The following CCDC150 variants were observed in gnomAD, a reference collection of about 807,000 sequenced individuals.
CCDC150 encodes the protein coiled-coil domain-containing protein 150.
Under a neutral mutation model 156.5 loss-of-function variants are expected in CCDC150, and 151 were observed. The ratio of observed to expected loss-of-function variants is 0.97; its 90% CI spans 0.85 to 1.10. CCDC150 has a LOEUF of 1.10. Among genes scored for constraint, CCDC150 ranks in the 50% least tolerant of loss-of-function variants. The pLI, the probability that CCDC150 is intolerant of heterozygous loss-of-function variation, is 0.00. For missense variants in CCDC150, 1,312 were observed against 1,268.1 expected (o/e 1.03, Z -0.53); for synonymous variants, 452 against 429.4 (o/e 1.05, Z -0.65).
intron 14 of CCDC150, among the ~76,000 whole-genome samples, chr2:196,696,193 G>C (rs957731232): frequency 2.6e-5 from 4 of 152,044 alleles, no homozygotes; most frequent in African/African-American, 4.8e-5. Flanking sequence ...GGATAATAAT[G>C]CTATAACTGT....
At chr2:196,646,041 C>T (rs1486760509) in intron 1 of CCDC150, among the ~76,000 whole-genome samples, 3 of 152,162 alleles carry the variant, frequency 2.0e-5, no homozygotes, top group African/African-American at 7.2e-5. Context: ...ATGACATCCA[C>T]ACTGTATATC....
chr2:196,658,994 C>A, intron 5 of CCDC150, 134 bp downstream of exon 5: 1 of 629,362 alleles, frequency 1.6e-6, no homozygotes, highest in Non-Finnish European at 2.8e-6. Flanking sequence ...AAAAATATGC[C>A]ACATTGAATT....
chr2:196,666,935 G>A lies in CCDC150; in HGVS notation c.892+87G>A, dbSNP rs772674040. 3.4e-6 allele frequency: 5 copies of A among 1,450,586 alleles called. No homozygotes were observed. The South Asian group carries it at 3.5e-5, about 10-fold the overall frequency. The allele number at this position is 1,450,586 out of a possible 1,614,324, so 89.9% of individuals were successfully genotyped here. A position where few individuals can be genotyped will look rare whatever the true frequency, so the allele number is the denominator to read the frequency against. On this transcript the variant is annotated intron_variant, in intron 7 of 27. Transcript: ENST00000389175. ...TCTTAAGATCCCAAATTCTTAAAGTGGCCAGTGTTATTGGTATTTCCCACA... is the reference window on the plus strand; with the variant it reads ...TCTTAAGATCCCAAATTCTTAAAGTAGCCAGTGTTATTGGTATTTCCCACA...
intron 15 of CCDC150, among the ~76,000 whole-genome samples, chr2:196,701,644 T>G (rs547160553): frequency 6.6e-6 from 1 of 152,278 alleles, no homozygotes; most frequent in South Asian, 2.1e-4. Flanking sequence ...TTAAACTAAC[T>G]CCAATGGAAA....
intron 15 of CCDC150, among the ~76,000 whole-genome samples, chr2:196,705,046 A>G (rs1262045399): frequency 6.6e-6 from 1 of 152,204 alleles, no homozygotes; most frequent in Non-Finnish European, 1.5e-5. Flanking sequence ...AGCATGATTT[A>G]TAATCCTTTG....
At chr2:196,688,051 T>A (rs1250244213) in intron 13 of CCDC150, among the ~76,000 whole-genome samples, 1 of 152,218 alleles carries the variant, frequency 6.6e-6, no homozygotes, top group Non-Finnish European at 1.5e-5. Context: ...CCTCCAGCTT[T>A]GTTCTTTTTG....
At chr2:196,719,065 G>C (rs559709117) in intron 18 of CCDC150, among the ~76,000 whole-genome samples, 1 of 152,270 alleles carries the variant, frequency 6.6e-6, no homozygotes, top group East Asian at 1.9e-4. Context: ...TCTGAGGAGG[G>C]CTGTGAGTTA....
At chr2:196,683,402 A>G (rs1575827844) in intron 13 of CCDC150, among the ~76,000 whole-genome samples, 1 of 152,148 alleles carries the variant, frequency 6.6e-6, no homozygotes, top group East Asian at 1.9e-4. Context: ...ATGTTGTTGC[A>G]TTAGGCTTGC....
At chr2:196,675,728 G>A (rs1201515635) in intron 10 of CCDC150, among the ~76,000 whole-genome samples, 1 of 152,056 alleles carries the variant, frequency 6.6e-6, no homozygotes, top group Admixed American at 6.6e-5. Context: ...TTATTTGGAG[G>A]GGAAGTGCAG....
At chr2:196,646,272 A>G (rs1487692927) in intron 1 of CCDC150, 69 bp from the exon 2 acceptor site, 2 of 1,422,410 alleles carry the variant, frequency 1.4e-6, no homozygotes, top group African/African-American at 2.8e-5. Flanking sequence ...ATCCTGGCAC[A>G]GGAATGGCAG....
intron 9 of CCDC150, among the ~76,000 whole-genome samples, chr2:196,673,260 A>T (rs1411139143): frequency 1.3e-5 from 2 of 152,178 alleles, no homozygotes; most frequent in Non-Finnish European, 2.9e-5. Flanking sequence ...ACTTATTCAC[A>T]TTTTAAAGAT....
At chr2:196,713,321 T>C (rs777810264) in intron 17 of CCDC150, 2 of 1,434,398 alleles carry the variant, frequency 1.4e-6, no homozygotes, top group African/African-American at 2.9e-5. Flanking sequence ...TAACTCTAGG[T>C]TTAGCTGATT....
intron 13 of CCDC150, among the ~76,000 whole-genome samples, chr2:196,687,234 T>G (rs999889611): frequency 6.6e-5 from 10 of 152,204 alleles, no homozygotes; most frequent in Admixed American, 5.2e-4. Context: ...ACCAACAGTG[T>G]GCAAGTGTTC....
In CCDC150 at chr2:196,732,536, TATC is replaced by T; in HGVS notation, c.3283_3285del (p.His1095del). On this transcript the variant is annotated inframe_deletion, in exon 28 of 28. Coordinates refer to ENST00000389175, the MANE Select transcript of CCDC150 (RefSeq NM_001080539.2). ...GAATCTTAGGCCCATGCCCAAGAAG[TATC>T]ATTCTGAGGTACAGAGGAAGTGATG... is the stretch of plus-strand genomic sequence containing the variant. 6.2e-7 allele frequency: 1 copy of T among 1,611,920 alleles called. No individual in the cohort carries two copies. The highest frequency in any genetic ancestry group is 8.5e-7 in the Non-Finnish European group (1 of 1,178,052).
At chr2:196,690,262 T>C (rs958999392) in intron 13 of CCDC150, among the ~76,000 whole-genome samples, 3 of 151,960 alleles carry the variant, frequency 2.0e-5, no homozygotes, top group African/African-American at 7.3e-5. Flanking sequence ...GGGATAGCTT[T>C]AGGAGATATA....
At chr2:196,657,217 T>A in intron 4 of CCDC150, 81 bp downstream of exon 4, 2 of 1,310,462 alleles carry the variant, frequency 1.5e-6, no homozygotes, top group Non-Finnish European at 2.1e-6. Flanking sequence ...ACGCGACTTT[T>A]AAAAATAGGT....
rs367830556 is a variant in CCDC150, at chr2:196,668,959, T to G, written c.893-874T>G. ...ATCAGTTTTTATGTGTTTTATGATT[T>G]CTGGCTTTAGAATATTTAAGTGAAA... is the stretch of plus-strand genomic sequence containing the variant. On this transcript the variant is annotated intron_variant, in intron 7 of 27. Transcript: ENST00000389175. Among the ~76,000 whole-genome samples the G allele has an allele frequency of 8.5e-5, 13 of 152,236 alleles. No individual in the cohort carries two copies. The East Asian group carries it at 2.5e-3, about 29-fold the overall frequency.
chr2:196,720,434 G>C, intron 19 of CCDC150, 141 bp from the exon 20 acceptor site: 1 of 635,646 alleles, frequency 1.6e-6, no homozygotes, highest in Non-Finnish European at 2.7e-6. Context: ...AATATATTTT[G>C]TACTAGTGAT....
At chr2:196,684,644 G>A (rs1695025199) in intron 13 of CCDC150, among the ~76,000 whole-genome samples, 2 of 152,002 alleles carry the variant, frequency 1.3e-5, no homozygotes, top group Non-Finnish European at 2.9e-5. Flanking sequence ...TGAAAATGGG[G>A]TATTGAAGTC....
Sources: gnomAD v4.1 joint callset for allele counts (sites outside exome capture counted in the v4.1 genomes callset) on GRCh38, gnomAD v4.1.1 for gene constraint, MANE v1.5 for transcripts, NCBI Gene and HGNC (gene_info 2026-07-23, HGNC 2026-07-21) for gene names.